Variants in HS6ST3 observed in about 807,000 individuals in gnomAD.
HS6ST3 encodes heparan sulfate 6-O-sulfotransferase 3, also known as heparan-sulfate 6-O-sulfotransferase 3.
Under a neutral mutation model 36.7 loss-of-function variants are expected in HS6ST3, and 12 were observed. That is an observed-to-expected ratio of 0.33 (90% CI 0.21 to 0.53). The LOEUF (loss-of-function observed/expected upper bound fraction) is 0.53, where lower values mean the gene tolerates loss of function less well. HS6ST3 is among the 20% of genes least tolerant of loss of function. HS6ST3 has a pLI of 0.95. For synonymous variants in HS6ST3, 240 were observed against 257.5 expected, an observed-to-expected ratio of 0.93 and a Z score of 0.65; for missense variants, 584 against 640.9, an observed-to-expected ratio of 0.91 and a Z score of 0.96.
rs377429861 is a variant in HS6ST3, at chr13:96,544,213, C to T, written c.708-288277C>T. On this transcript the variant is annotated intron_variant, in intron 1 of 1. Coordinates refer to ENST00000376705, the MANE Select transcript of HS6ST3 (RefSeq NM_153456.4). Reference sequence around the variant, plus strand: ...TGATAAACTCAAATCTGGAACACTGCGTCTAATTTGGGGACTAACTCACTG... The same window carrying T: ...TGATAAACTCAAATCTGGAACACTGTGTCTAATTTGGGGACTAACTCACTG... 1.8e-3 allele frequency among the ~76,000 whole-genome samples: 278 copies of T among 152,252 alleles called. 3 individuals are homozygous for T. The highest frequency in any genetic ancestry group is 6.0e-3 in the African/African-American group (251 of 41,548).
At chr13:96,721,960 T>C (rs1875860297) in intron 1 of HS6ST3, among the ~76,000 whole-genome samples, 1 of 152,174 alleles carries the variant, frequency 6.6e-6, no homozygotes, top group South Asian at 2.1e-4. Context: ...AAGTAAGAGA[T>C]GGTTACCCTG....
intron 1 of HS6ST3, among the ~76,000 whole-genome samples, chr13:96,224,453 C>T (rs2054470788): frequency 6.6e-6 from 1 of 152,102 alleles, no homozygotes. Context: ...TGCAGAGTAG[C>T]TGGGACCATA....
At chr13:96,527,499 C>T (rs575808685) in intron 1 of HS6ST3, among the ~76,000 whole-genome samples, 2 of 152,242 alleles carry the variant, frequency 1.3e-5, no homozygotes, top group South Asian at 4.1e-4. Flanking sequence ...CACAATGTAA[C>T]TCTAGTTAGT....
intron 1 of HS6ST3, among the ~76,000 whole-genome samples, chr13:96,602,058 C>T (rs754309231): frequency 3.3e-5 from 5 of 152,024 alleles, no homozygotes; most frequent in East Asian, 3.9e-4. Flanking sequence ...TTTTAAACTG[C>T]GTTAAACAGG....
intron 1 of HS6ST3, among the ~76,000 whole-genome samples, chr13:96,454,299 T>G (rs539878320): frequency 6.6e-6 from 1 of 152,002 alleles, no homozygotes; most frequent in African/African-American, 2.4e-5. Context: ...CATGGGGGAG[T>G]AGGATTTGAG....
intron 1 of HS6ST3, among the ~76,000 whole-genome samples, chr13:96,153,429 CT>C (rs1317417896): frequency 6.6e-6 from 1 of 152,132 alleles, no homozygotes; most frequent in Non-Finnish European, 1.5e-5. Flanking sequence ...GGAATGATAC[CT>C]TGGCTTTCCT....
chr13:96,672,932 G>T (rs1238572374), intron 1 of HS6ST3, among the ~76,000 whole-genome samples: 1 of 152,102 alleles, frequency 6.6e-6, no homozygotes, highest in African/African-American at 2.4e-5. Flanking sequence ...TGACAACACT[G>T]GGTGGTTTAA....
Position 96,758,859 on chromosome 13 carries a change from T to C in HS6ST3, c.708-73631T>C, listed in dbSNP as rs1876896692. On this transcript the variant is annotated intron_variant, in intron 1 of 1. Coordinates refer to ENST00000376705, the MANE Select transcript of HS6ST3 (RefSeq NM_153456.4). Reference sequence around the variant, plus strand: ...GTTGTTGGATGTAGCATTCTATAAATATCATTTTGTTTTGCCCTTTTTCTC... The same window carrying C: ...GTTGTTGGATGTAGCATTCTATAAACATCATTTTGTTTTGCCCTTTTTCTC... 2.0e-5 allele frequency among the ~76,000 whole-genome samples: 3 copies of C among 152,044 alleles called. No individual in the cohort carries two copies. The South Asian group carries it at 6.2e-4, about 31-fold the overall frequency.
intron 1 of HS6ST3, among the ~76,000 whole-genome samples, chr13:96,676,199 G>A (rs1034174410): frequency 2.6e-5 from 4 of 152,162 alleles, no homozygotes; most frequent in African/African-American, 9.6e-5. Context: ...TGTGTCAACA[G>A]GGTTGATTTC....
chr13:96,478,108 A>G (rs1322593257), intron 1 of HS6ST3, among the ~76,000 whole-genome samples: 2 of 152,200 alleles, frequency 1.3e-5, no homozygotes, highest in South Asian at 2.1e-4. Context: ...TCAGAGAGAA[A>G]AAATAGGACC....
chr13:96,616,532 C>G (rs2056474950), intron 1 of HS6ST3, among the ~76,000 whole-genome samples: 1 of 152,072 alleles, frequency 6.6e-6, no homozygotes, highest in African/African-American at 2.4e-5. Flanking sequence ...CCCCTGCTCC[C>G]AGGAGTAGAA....
intron 1 of HS6ST3, among the ~76,000 whole-genome samples, chr13:96,193,704 C>G (rs1279071449): frequency 4.6e-5 from 7 of 152,154 alleles, no homozygotes; most frequent in African/African-American, 1.7e-4. Context: ...CAATAATGAT[C>G]TAGCCTATGT....
At chr13:96,167,224 A>G (rs1171330464) in intron 1 of HS6ST3, among the ~76,000 whole-genome samples, 1 of 152,158 alleles carries the variant, frequency 6.6e-6, no homozygotes, top group African/African-American at 2.4e-5. Flanking sequence ...TTTCATGCAT[A>G]TCTTACAGGG....
intron 1 of HS6ST3, among the ~76,000 whole-genome samples, chr13:96,094,363 C>T (rs753885209): frequency 6.6e-6 from 1 of 152,154 alleles, no homozygotes; most frequent in African/African-American, 2.4e-5. Context: ...AGGTTCCCCA[C>T]TCAAGGCCTT....
chr13:96,113,806 A>G (rs1010925886), intron 1 of HS6ST3, among the ~76,000 whole-genome samples: 42 of 152,202 alleles, frequency 2.8e-4, no homozygotes, highest in African/African-American at 1.0e-3. Context: ...AAGAAAAGAC[A>G]GAAAGTATAT....
intron 1 of HS6ST3, among the ~76,000 whole-genome samples, chr13:96,346,588 AT>A (rs1460859848): frequency 1.3e-5 from 2 of 151,528 alleles, no homozygotes; most frequent in Non-Finnish European, 1.5e-5. Context: ...AAAAATAATA[AT>A]AATAATAATA....
chr13:96,690,175 T>A (rs1874911954), intron 1 of HS6ST3, among the ~76,000 whole-genome samples: 1 of 152,060 alleles, frequency 6.6e-6, no homozygotes, highest in Admixed American at 6.6e-5. Context: ...AATCTTTGAA[T>A]GAAATGAAAT....
intron 1 of HS6ST3, among the ~76,000 whole-genome samples, chr13:96,371,696 T>C (rs2055290989): frequency 6.6e-6 from 1 of 152,218 alleles, no homozygotes; most frequent in Non-Finnish European, 1.5e-5. Flanking sequence ...ATACCACATT[T>C]AAGTCAGATC....
At chr13:96,321,578 A>G (rs953788464) in intron 1 of HS6ST3, among the ~76,000 whole-genome samples, 9 of 152,166 alleles carry the variant, frequency 5.9e-5, no homozygotes, top group Non-Finnish European at 2.9e-5. Context: ...TCAGGGAACT[A>G]CAATCCACTG....
Sources: allele counts gnomAD v4.1 joint callset (sites outside exome capture counted in the v4.1 genomes callset), GRCh38; gene constraint gnomAD v4.1.1; transcripts MANE v1.5; gene names NCBI Gene and HGNC (gene_info 2026-07-23, HGNC 2026-07-21).